The following KIRREL3 variants were observed in gnomAD, a reference collection of about 807,000 sequenced individuals.
KIRREL3 encodes kin of IRRE-like protein 3.
A neutral mutation model predicts 89.7 loss-of-function variants in KIRREL3; 36 were observed. That is an observed-to-expected ratio of 0.40 (90% CI 0.31 to 0.53). The LOEUF (loss-of-function observed/expected upper bound fraction) is 0.53. Among genes scored for constraint, KIRREL3 ranks in the 20% least tolerant of loss-of-function variants. The pLI, the probability that KIRREL3 is intolerant of heterozygous loss-of-function variation, is 0.49. For missense variants in KIRREL3, 864 were observed against 1,056.6 expected, an observed-to-expected ratio of 0.82 and a Z score of 2.53; for synonymous variants, 445 against 441.4, an observed-to-expected ratio of 1.01 and a Z score of -0.10.
At chr11:126,960,545 G>A (rs1388853995) in intron 1 of KIRREL3, among the ~76,000 whole-genome samples, 1 of 152,172 alleles carries the variant, frequency 6.6e-6, no homozygotes, top group East Asian at 1.9e-4. Context: ...TTGAATTGCG[G>A]TTCCAGGCAG....
chr11:126,866,011 A>G (rs1295535060), intron 1 of KIRREL3, among the ~76,000 whole-genome samples: 2 of 152,164 alleles, frequency 1.3e-5, no homozygotes, highest in African/African-American at 4.8e-5. Context: ...CTCCCAATAC[A>G]CAGGGAAGGG....
At chr11:126,631,127 T>TCATA (rs1188439008) in intron 1 of KIRREL3, among the ~76,000 whole-genome samples, 4 of 22,750 alleles carry the variant, frequency 1.8e-4, no homozygotes, top group Admixed American at 5.8e-4. Flanking sequence ...ATGTATGTAT[T>TCATA]CATTCATTCA....
Position 126,682,481 on chromosome 11 carries a change from C to A in KIRREL3, c.56-119569G>T, listed in dbSNP as rs7483281. On this transcript the variant is annotated intron_variant, in intron 1 of 16. Transcript: ENST00000525144. This position sits in a 1 kb window ranked among gnomAD's most constrained non-coding sequence, Gnocchi z 4.8. ...TTTTTCCTGCCACTCCTTTACCAGG[C>A]TTTTTTTCACCTCAAATGAGTGATG... 0.4 allele frequency among the ~76,000 whole-genome samples: 60,469 copies of A among 151,822 alleles called. 12,296 individuals carry two copies. The highest frequency in any genetic ancestry group is 0.49 in the East Asian group (2,541 of 5,152).
rs976472026 is a variant in KIRREL3 at position 126,812,454 on chromosome 11, C to T, written c.55+188001G>A. Among the ~76,000 whole-genome samples the T allele has an allele frequency of 1.3e-5, 2 of 152,172 alleles. No individual in the cohort carries two copies. The highest frequency in any genetic ancestry group is 4.8e-5 in the African/African-American group (2 of 41,422). ...TCCACAATTAATATTGTCCACTGAACAGAATGGTGAACCCTGAGCATCTTT... is the reference window on the plus strand; with the variant it reads ...TCCACAATTAATATTGTCCACTGAATAGAATGGTGAACCCTGAGCATCTTT... On this transcript the variant is annotated intron_variant, in intron 1 of 16. Coordinates refer to ENST00000525144, the MANE Select transcript of KIRREL3 (RefSeq NM_032531.4). This position sits in a 1 kb window ranked among gnomAD's most constrained non-coding sequence, Gnocchi z 5.2.
At chr11:126,911,282 G>T (rs1465839995) in intron 1 of KIRREL3, among the ~76,000 whole-genome samples, 4 of 152,148 alleles carry the variant, frequency 2.6e-5, no homozygotes, top group African/African-American at 9.7e-5. Flanking sequence ...TGGCATTGTT[G>T]TCAAACTTAG....
rs1026295953 is a variant in KIRREL3, at chr11:126,463,478, C to T, written c.592-171G>A. On this transcript the variant is annotated intron_variant, in intron 5 of 16. Coordinates refer to ENST00000525144, the MANE Select transcript of KIRREL3 (RefSeq NM_032531.4). This position sits in a 1 kb window ranked among gnomAD's most constrained non-coding sequence, Gnocchi z 5.9. The stretch of plus-strand genomic sequence containing the variant: ...GTCTACGCAGAGCTCGGGGGTTACC[C>T]CCTGGCTCCCTGGCCTGGCTAAGTG... 6.6e-6 allele frequency among the ~76,000 whole-genome samples: 1 copy of T among 152,160 alleles called. No individual in the cohort carries two copies. The highest frequency in any genetic ancestry group is 1.5e-5 in the Non-Finnish European group (1 of 68,024).
intron 1 of KIRREL3, among the ~76,000 whole-genome samples, chr11:126,888,394 G>A (rs569320185): frequency 4.7e-5 from 7 of 148,362 alleles, no homozygotes; most frequent in Non-Finnish European, 1.0e-4. Flanking sequence ...ACCAGGGCCC[G>A]TGCCAGATTC....
chr11:126,468,811 C>T (rs889321430), intron 5 of KIRREL3, among the ~76,000 whole-genome samples: 3 of 152,230 alleles, frequency 2.0e-5, no homozygotes, highest in African/African-American at 4.8e-5. Flanking sequence ...AACAGACATC[C>T]GTGATCATTA....
In KIRREL3 at chr11:126,780,153, C is replaced by T. The variant is rs146230217; in HGVS notation, c.56-217241G>A. 2.0e-5 allele frequency among the ~76,000 whole-genome samples: 3 copies of T among 151,928 alleles called. No homozygotes were observed. Among genetic ancestry groups the T allele is most frequent in the Admixed American group, 1.3e-4 (2 of 15,252 alleles). On this transcript the variant is annotated intron_variant, in intron 1 of 16. Transcript: ENST00000525144. This position sits in a 1 kb window ranked among gnomAD's most constrained non-coding sequence, Gnocchi z 5.3. ...CATGGAAGCACAGGGGAGAGACAAG[C>T]GGGGAGAAATTCAGGTTCAATGAAA... is the stretch of plus-strand genomic sequence containing the variant.
intron 1 of KIRREL3, among the ~76,000 whole-genome samples, chr11:126,855,728 C>A (rs1392580356): frequency 3.3e-5 from 5 of 152,226 alleles, no homozygotes; most frequent in Admixed American, 1.3e-4. Context: ...TCCTCCTTTG[C>A]TTCCCTGGCT....
chr11:126,742,231 CAAA>C lies in KIRREL3; in HGVS notation c.56-179322_56-179320del, dbSNP rs975432894. Among the ~76,000 whole-genome samples the C allele has an allele frequency of 9.2e-5, 14 of 152,076 alleles. No individual in the cohort carries two copies. Among genetic ancestry groups the C allele is most frequent in the Non-Finnish European group, 1.5e-4 (10 of 68,024 alleles). ...TATGATGGGTTCAGTGTAAATGACTCAAAAACATATGGATGGCATTTCTTGAGG... is the reference window on the plus strand; with the variant it reads ...TATGATGGGTTCAGTGTAAATGACTCAACATATGGATGGCATTTCTTGAGG... On this transcript the variant is annotated intron_variant, in intron 1 of 16. Coordinates refer to ENST00000525144, the MANE Select transcript of KIRREL3 (RefSeq NM_032531.4). This position sits in a 1 kb window ranked among gnomAD's most constrained non-coding sequence, Gnocchi z 5.3.
Position 126,689,385 on chromosome 11 carries a change from C to T in KIRREL3, c.56-126473G>A, listed in dbSNP as rs1314861258. Among the ~76,000 whole-genome samples the T allele has an allele frequency of 6.6e-6, 1 of 152,198 alleles. No individual in the cohort carries two copies. Among genetic ancestry groups the T allele is most frequent in the Non-Finnish European group, 1.5e-5 (1 of 68,040 alleles). On this transcript the variant is annotated intron_variant, in intron 1 of 16. Transcript: ENST00000525144. This position sits in a 1 kb window ranked among gnomAD's most constrained non-coding sequence, Gnocchi z 5.2. ...CCCCCTGGGAGCCCAGAGTCCCCAT[C>T]CTTGCATCTCATGATCTATCATTTA...
chr11:126,529,375 G>A (rs1356891402), intron 2 of KIRREL3, among the ~76,000 whole-genome samples: 1 of 152,180 alleles, frequency 6.6e-6, no homozygotes, highest in Non-Finnish European at 1.5e-5. Flanking sequence ...CTTTTGGTGG[G>A]TGTCTCAGAG....
rs910981226 is a variant in KIRREL3, at chr11:126,953,199, T to G, written c.55+47256A>C. ...TCCTTTGCAGGGATATGGATGAAAC[T>G]GGAAACCATCATTCTCAGCAAACTA... On this transcript the variant is annotated intron_variant, in intron 1 of 16. Transcript: ENST00000525144. The surrounding 1 kb of genome is among the most constrained non-coding windows in gnomAD (Gnocchi z 5.2). Among the ~76,000 whole-genome samples the G allele has an allele frequency of 1.3e-5, 2 of 152,154 alleles. No homozygotes were observed. The highest frequency in any genetic ancestry group is 4.8e-5 in the African/African-American group (2 of 41,426).
chr11:126,809,160 C>T (rs1264011201), intron 1 of KIRREL3, among the ~76,000 whole-genome samples: 4 of 152,128 alleles, frequency 2.6e-5, no homozygotes, highest in African/African-American at 9.7e-5. Context: ...GCAAAACCTT[C>T]ATTAAGGGGT....
In KIRREL3 at chr11:126,940,235, A is replaced by T. The variant is rs1035216052; in HGVS notation, c.55+60220T>A. On this transcript the variant is annotated intron_variant, in intron 1 of 16. Transcript: ENST00000525144. The surrounding 1 kb of genome is among the most constrained non-coding windows in gnomAD (Gnocchi z 4.6). ...TCAGTGTTCTCTCATCAAAAGCATC[A>T]TAACTCATTTAACATTGAGCCTATA... is the stretch of plus-strand genomic sequence containing the variant. Among the ~76,000 whole-genome samples the T allele has an allele frequency of 1.3e-5, 2 of 152,228 alleles. No individual in the cohort carries two copies. Among genetic ancestry groups the T allele is most frequent in the Admixed American group, 1.3e-4 (2 of 15,282 alleles).
chr11:126,728,613 G>A (rs893793536), intron 1 of KIRREL3, among the ~76,000 whole-genome samples: 5 of 152,196 alleles, frequency 3.3e-5, no homozygotes, highest in African/African-American at 9.7e-5. Flanking sequence ...GGCTGAAGTG[G>A]GGCCAGTGTA....
rs1468740415 is a variant in KIRREL3 at position 126,740,735 on chromosome 11, G to T, written c.56-177823C>A. Among the ~76,000 whole-genome samples, 3 of 152,108 alleles carry T rather than the reference G, an allele frequency of 2.0e-5. No individual in the cohort carries two copies. Among genetic ancestry groups the T allele is most frequent in the African/African-American group, 7.2e-5 (3 of 41,402 alleles). On this transcript the variant is annotated intron_variant, in intron 1 of 16. Coordinates refer to ENST00000525144, the MANE Select transcript of KIRREL3 (RefSeq NM_032531.4). The surrounding 1 kb of genome is among the most constrained non-coding windows in gnomAD (Gnocchi z 6.0). ...GCTAGGGACAGGGAGCACAAAAATG[G>T]CCTGAAAGATAAATTTGTATTTTTG...
rs926496430 is a variant in KIRREL3, at chr11:126,709,880, G to C, written c.56-146968C>G. Among the ~76,000 whole-genome samples, 1 of 152,172 alleles carries C rather than the reference G, an allele frequency of 6.6e-6. No individual in the cohort carries two copies. The highest frequency in any genetic ancestry group is 1.5e-5 in the Non-Finnish European group (1 of 68,026). ...AGGGAGCTGGAGAGGCTGAGCACTG[G>C]GGCACGAGGGTAGGTAATGATGTGA... On this transcript the variant is annotated intron_variant, in intron 1 of 16. Coordinates refer to ENST00000525144, the MANE Select transcript of KIRREL3 (RefSeq NM_032531.4). The surrounding 1 kb of genome is among the most constrained non-coding windows in gnomAD (Gnocchi z 4.0).
Sources: gnomAD v4.1 joint callset for allele counts (sites outside exome capture counted in the v4.1 genomes callset) on GRCh38, gnomAD v4.1.1 for gene constraint, Gnocchi (gnomAD v3.1) non-coding constraint, MANE v1.5 for transcripts, NCBI Gene and HGNC (gene_info 2026-07-23, HGNC 2026-07-21) for gene names.